Variants in SAMMSON observed in about 807,000 individuals in gnomAD.
SAMMSON encodes survival associated mitochondrial melanoma specific oncogenic non-coding RNA.
At chr3:70,293,715 A>G (rs1198725707) in intron 7 of SAMMSON, among the ~76,000 whole-genome samples, 1 of 152,010 alleles carries the variant, frequency 6.6e-6, no homozygotes, top group Non-Finnish European at 1.5e-5. Context: ...AAGTAACAGG[A>G]TTTTTTTAAA....
rs116699018 is a variant in SAMMSON at position 70,092,902 on chromosome 3, G to T, written n.507+21337G>T. Among the ~76,000 whole-genome samples the T allele has an allele frequency of 3.0e-3, 418 of 138,126 alleles. 5 individuals are homozygous for T. Among genetic ancestry groups the T allele is most frequent in the Non-Finnish European group, 3.6e-3 (231 of 64,702 alleles). The allele number at this position is 138,126 out of a possible 152,430, so 90.6% of individuals were successfully genotyped here. A position where few individuals can be genotyped will look rare whatever the true frequency, so the allele number is the denominator to read the frequency against. On this transcript the variant is annotated intron_variant and non_coding_transcript_variant, in intron 4 of 9. Coordinates refer to ENST00000642114, the Ensembl canonical transcript of SAMMSON. ...TCCGGATGTGTTGTCTAGTGTTTTT[G>T]TTTTTTTTTTTTTGTTTTTTTTTTC...
intron 2 of SAMMSON, among the ~76,000 whole-genome samples, chr3:70,409,485 G>C (rs1701201634): frequency 1.3e-5 from 2 of 151,558 alleles, no homozygotes; most frequent in East Asian, 3.9e-4. Context: ...AAAAGAATTA[G>C]AGAAAAACTT....
intron 4 of SAMMSON, among the ~76,000 whole-genome samples, chr3:70,192,079 T>C (rs1701135043): frequency 1.3e-5 from 2 of 152,086 alleles, no homozygotes; most frequent in South Asian, 2.1e-4. Flanking sequence ...ACTAAGAGTG[T>C]AAGGTGAAAT....
chr3:70,084,498 A>G (rs1413308491), intron 4 of SAMMSON, among the ~76,000 whole-genome samples: 1 of 152,184 alleles, frequency 6.6e-6, no homozygotes, highest in East Asian at 1.9e-4. Flanking sequence ...CTCAGAGGAT[A>G]TACTGGGGTT....
chr3:70,017,153 A>T (rs1248522007), intron 3 of SAMMSON, among the ~76,000 whole-genome samples: 2 of 152,168 alleles, frequency 1.3e-5, no homozygotes, highest in African/African-American at 2.4e-5. Context: ...TGGGGATGGC[A>T]TTGAATCTCT....
At chr3:70,178,787 G>A (rs1701028548) in intron 4 of SAMMSON, among the ~76,000 whole-genome samples, 1 of 152,164 alleles carries the variant, frequency 6.6e-6, no homozygotes, top group African/African-American at 2.4e-5. Context: ...GGGGGAAGGA[G>A]CACTTGAAGC....
intron 1 of SAMMSON, among the ~76,000 whole-genome samples, chr3:70,001,798 C>A (rs1440699539): frequency 6.6e-6 from 1 of 152,146 alleles, no homozygotes; most frequent in Non-Finnish European, 1.5e-5. Context: ...TACTCAGGAT[C>A]AGAACAATAT....
intron 6 of SAMMSON, among the ~76,000 whole-genome samples, chr3:70,252,033 T>C (rs1701774182): frequency 6.6e-6 from 1 of 152,224 alleles, no homozygotes; most frequent in African/African-American, 2.4e-5. Flanking sequence ...ATTCTGCATA[T>C]GTGAGGAGGC....
chr3:70,134,461 G>A lies in SAMMSON; in HGVS notation n.507+62896G>A, dbSNP rs563796164. Among the ~76,000 whole-genome samples the A allele has an allele frequency of 5.9e-5, 9 of 151,454 alleles. No individual in the cohort carries two copies. The East Asian group carries it at 1.5e-3, about 26-fold the overall frequency. On this transcript the variant is annotated intron_variant and non_coding_transcript_variant, in intron 4 of 9. Coordinates refer to ENST00000642114, the Ensembl canonical transcript of SAMMSON. The stretch of plus-strand genomic sequence containing the variant: ...ATTTCAAGTGTTTTTGTTGACTACA[G>A]TTGCAATGATACAATATTTGCCAGC...
intron 4 of SAMMSON, among the ~76,000 whole-genome samples, chr3:70,115,986 G>A (rs992311004): frequency 4.0e-5 from 6 of 150,440 alleles, no homozygotes; most frequent in South Asian, 2.1e-4. Context: ...AACACATCCC[G>A]TAGGTCTTGT....
At chr3:70,232,357 A>G (rs568775507) in intron 4 of SAMMSON, among the ~76,000 whole-genome samples, 9 of 152,046 alleles carry the variant, frequency 5.9e-5, no homozygotes, top group Admixed American at 1.3e-4. Flanking sequence ...AATGCCCACA[A>G]TATTCACACC....
At chr3:70,008,639 C>T (rs2066940310) in intron 1 of SAMMSON, among the ~76,000 whole-genome samples, 1 of 152,106 alleles carries the variant, frequency 6.6e-6, no homozygotes, top group African/African-American at 2.4e-5. Context: ...TTTCTTTCTC[C>T]TTCCTGATTG....
intron 6 of SAMMSON, among the ~76,000 whole-genome samples, chr3:70,281,714 G>A (rs866719768): frequency 6.6e-6 from 1 of 152,092 alleles, no homozygotes; most frequent in Non-Finnish European, 1.5e-5. Flanking sequence ...CACCTCAAGT[G>A]AACTCCTTCT....
intron 4 of SAMMSON, among the ~76,000 whole-genome samples, chr3:70,198,570 A>T (rs377187740): frequency 6.6e-6 from 1 of 152,188 alleles, no homozygotes; most frequent in East Asian, 1.9e-4. Flanking sequence ...AGTAAACAGA[A>T]ATCTTTCTTC....
At chr3:70,255,361 G>A (rs760083337) in intron 6 of SAMMSON, among the ~76,000 whole-genome samples, 1 of 152,178 alleles carries the variant, frequency 6.6e-6, no homozygotes. Context: ...AGGCTTGGCT[G>A]TTCTTGACAT....
At chr3:70,186,724 A>G (rs79819778) in intron 4 of SAMMSON, among the ~76,000 whole-genome samples, 215 of 152,336 alleles carry the variant, frequency 1.4e-3, no homozygotes, top group African/African-American at 5.0e-3. Flanking sequence ...TGTGATGGGA[A>G]ACAAATATCA....
chr3:70,160,378 C>CCTT (rs1469849716), intron 4 of SAMMSON, among the ~76,000 whole-genome samples: 2 of 137,070 alleles, frequency 1.5e-5, no homozygotes, highest in Non-Finnish European at 3.2e-5. Flanking sequence ...TCCCTCCCTT[C>CCTT]CTTCTTTCTT....
At chr3:70,039,679 A>G (rs1202294839) in intron 3 of SAMMSON, among the ~76,000 whole-genome samples, 1 of 151,234 alleles carries the variant, frequency 6.6e-6, no homozygotes, top group Non-Finnish European at 1.5e-5. Context: ...GTGAACCCTA[A>G]TATGCCTATT....
chr3:70,224,130 C>T (rs766408047), intron 4 of SAMMSON, among the ~76,000 whole-genome samples: 4 of 152,010 alleles, frequency 2.6e-5, no homozygotes, highest in Admixed American at 1.3e-4. Context: ...CACTAACAAG[C>T]AGAGGGAAAA....
Sources: gnomAD v4.1 joint callset for allele counts (sites outside exome capture counted in the v4.1 genomes callset) on GRCh38, gnomAD v4.1.1 for gene constraint, MANE v1.5 for transcripts, NCBI Gene and HGNC (gene_info 2026-07-23, HGNC 2026-07-21) for gene names.